The following CNBD1 variants were observed in gnomAD, a reference collection of about 807,000 sequenced individuals.
CNBD1 encodes cyclic nucleotide binding domain containing 1.
A neutral mutation model predicts 54.4 loss-of-function variants in CNBD1; 71 were observed. The observed-to-expected ratio is 1.30, with a 90% CI of 1.08 to 1.59. The LOEUF is 1.59. Among genes scored for constraint, CNBD1 ranks in the 40% most tolerant of loss-of-function variants. The probability of loss-of-function intolerance (pLI) is 0.00; values close to 1 mark genes in which losing one functional copy is unlikely to be tolerated. For synonymous variants in CNBD1, 182 were observed against 170.7 expected (o/e 1.07, Z -0.51); for missense variants, 659 against 518.0 (o/e 1.27, Z -2.64).
intron 4 of CNBD1, among the ~76,000 whole-genome samples, chr8:87,099,988 G>A (rs1361376904): frequency 6.6e-6 from 1 of 152,184 alleles, no homozygotes; most frequent in Non-Finnish European, 1.5e-5. Context: ...AAGTCTGGAG[G>A]AAGAGGAAGA....
intron 10 of CNBD1, among the ~76,000 whole-genome samples, chr8:87,378,937 A>C (rs560069340): frequency 1.3e-5 from 2 of 149,354 alleles, no homozygotes; most frequent in African/African-American, 5.0e-5. Flanking sequence ...GAGTTCACTC[A>C]TGATTTGGCT....
intron 4 of CNBD1, among the ~76,000 whole-genome samples, chr8:87,065,088 G>T (rs1407220220): frequency 6.6e-6 from 1 of 151,818 alleles, no homozygotes; most frequent in Non-Finnish European, 1.5e-5. Flanking sequence ...TCTTAATTTG[G>T]TGGTGTCTTT....
At chr8:87,084,344 T>G (rs762196168) in intron 4 of CNBD1, among the ~76,000 whole-genome samples, 1 of 152,210 alleles carries the variant, frequency 6.6e-6, no homozygotes, top group Non-Finnish European at 1.5e-5. Flanking sequence ...AAAAATTGAG[T>G]TAATATTTCT....
At chr8:87,425,369 C>G (rs949030056) in intron 2 of CNBD1, among the ~76,000 whole-genome samples, 1 of 152,192 alleles carries the variant, frequency 6.6e-6, no homozygotes, top group Non-Finnish European at 1.5e-5. Context: ...TGAGGAGCTG[C>G]GTTCCTTTGG....
At chr8:87,307,701 G>A (rs1809184067) in intron 8 of CNBD1, among the ~76,000 whole-genome samples, 1 of 149,550 alleles carries the variant, frequency 6.7e-6, no homozygotes, top group East Asian at 1.9e-4. Flanking sequence ...TTGTGCCATT[G>A]CATTCCAGCC....
intron 4 of CNBD1, among the ~76,000 whole-genome samples, chr8:87,018,654 A>G (rs1809417567): frequency 6.6e-6 from 1 of 152,176 alleles, no homozygotes; most frequent in Non-Finnish European, 1.5e-5. Context: ...AAAAAAACCA[A>G]GATCATGGTA....
chr8:86,936,279 A>T (rs1351124971), intron 3 of CNBD1, among the ~76,000 whole-genome samples: 1 of 152,164 alleles, frequency 6.6e-6, no homozygotes, highest in African/African-American at 2.4e-5. Flanking sequence ...AAAGGGAAAA[A>T]ATTTTTCTAT....
At chr8:87,104,199 T>A (rs1330277437) in intron 4 of CNBD1, among the ~76,000 whole-genome samples, 1 of 152,240 alleles carries the variant, frequency 6.6e-6, no homozygotes, top group Non-Finnish European at 1.5e-5. Context: ...AATGTTGTCA[T>A]GGACTGGAGG....
At chr8:87,065,635 A>G (rs1810632829) in intron 4 of CNBD1, among the ~76,000 whole-genome samples, 1 of 151,998 alleles carries the variant, frequency 6.6e-6, no homozygotes, top group African/African-American at 2.4e-5. Context: ...ATTTAAAAAC[A>G]TCAGAAACTG....
chr8:87,392,205 G>A (rs1586074990), intron 2 of CNBD1, among the ~76,000 whole-genome samples: 2 of 152,082 alleles, frequency 1.3e-5, no homozygotes, highest in East Asian at 3.9e-4. Context: ...ATAGCTTGTG[G>A]AAATGTGAAG....
intron 4 of CNBD1, among the ~76,000 whole-genome samples, chr8:87,091,815 G>A (rs2130680176): frequency 6.6e-6 from 1 of 151,756 alleles, no homozygotes; most frequent in African/African-American, 2.4e-5. Flanking sequence ...TTGCATTAAA[G>A]GTGGCATTTT....
chr8:87,369,059 A>G (rs1810704318), intron 10 of CNBD1, among the ~76,000 whole-genome samples: 1 of 152,014 alleles, frequency 6.6e-6, no homozygotes, highest in African/African-American at 2.4e-5. Context: ...TTAACTGATA[A>G]CTCAATAATT....
rs549685742 is a variant in CNBD1, at chr8:87,057,026, G to A, written c.431+117272G>A. ...AAGAGTGTGGCAAAGTTGATACAAT[G>A]TTACTTCTATTATTATATTTCATAA... On this transcript the variant is annotated intron_variant, in intron 4 of 10. Transcript: ENST00000518476. Among the ~76,000 whole-genome samples the A allele has an allele frequency of 3.9e-5, 6 of 152,162 alleles. 1 individual carries two copies. The South Asian group carries it at 1.2e-3, about 32-fold the overall frequency.
In CNBD1 at chr8:87,010,822, A is replaced by AT. The variant is rs200773645; in HGVS notation, c.431+71077dup. Reference sequence around the variant, plus strand: ...ACTTGTTTTCTTGAACACTGAAAACATTTTTTTTTAAATTGATATCTGAAA... The same window carrying AT: ...ACTTGTTTTCTTGAACACTGAAAACATTTTTTTTTTAAATTGATATCTGAAA... On this transcript the variant is annotated intron_variant, in intron 4 of 10. Coordinates refer to ENST00000518476, the MANE Select transcript of CNBD1 (RefSeq NM_173538.3). Among the ~76,000 whole-genome samples, 304 of 151,770 alleles carry AT rather than the reference A, an allele frequency of 2.0e-3. 2 individuals carry two copies. The highest frequency in any genetic ancestry group is 1.1e-3 in the African/African-American group (45 of 41,408).
At chr8:87,026,232 C>G (rs545085615) in intron 4 of CNBD1, among the ~76,000 whole-genome samples, 18 of 152,102 alleles carry the variant, frequency 1.2e-4, no homozygotes, top group Non-Finnish European at 4.4e-5. Context: ...TGATAGCTAC[C>G]TTATAATCAG....
rs1210044778 is a variant in CNBD1, at chr8:87,324,222, T to G, written c.1043-27463T>G. 3.9e-5 allele frequency among the ~76,000 whole-genome samples: 5 copies of G among 129,424 alleles called. 1 individual carries two copies. The highest frequency in any genetic ancestry group is 6.9e-5 in the Non-Finnish European group (4 of 58,046). The allele number at this position is 129,424 out of a possible 152,430, so 84.9% of individuals were successfully genotyped here. On this transcript the variant is annotated intron_variant, in intron 8 of 10. Transcript: ENST00000518476. ...CGGTTTGCCAGTATTTTATTGAGGATTTTTGCATCAATGTTCATCAAGGAT... is the reference window on the plus strand; with the variant it reads ...CGGTTTGCCAGTATTTTATTGAGGAGTTTTGCATCAATGTTCATCAAGGAT...
At chr8:87,406,845 C>G (rs1586083236) in intron 2 of CNBD1, among the ~76,000 whole-genome samples, 1 of 152,152 alleles carries the variant, frequency 6.6e-6, no homozygotes, top group East Asian at 1.9e-4. Context: ...TAGCCCACAG[C>G]CCCAGACTGA....
chr8:87,178,313 C>T (rs1212968497), intron 4 of CNBD1, among the ~76,000 whole-genome samples: 2 of 152,170 alleles, frequency 1.3e-5, no homozygotes, highest in Non-Finnish European at 2.9e-5. Context: ...TTTAGAAATA[C>T]TCTGAGAAAG....
In CNBD1 at chr8:86,941,804, G is replaced by C. The variant is rs534112089; in HGVS notation, c.431+2050G>C. Reference sequence around the variant, plus strand: ...TTACTTTACTTTGCTACATTCTTTTGTGGACCTCCATGGATGCTATTTAAT... The same window carrying C: ...TTACTTTACTTTGCTACATTCTTTTCTGGACCTCCATGGATGCTATTTAAT... On this transcript the variant is annotated intron_variant, in intron 4 of 10. Transcript: ENST00000518476. Among the ~76,000 whole-genome samples, 21 of 152,286 alleles carry C rather than the reference G, an allele frequency of 1.4e-4. No individual in the cohort carries two copies. The South Asian group carries it at 4.4e-3, about 32-fold the overall frequency.
Sources: allele counts gnomAD v4.1 joint callset (sites outside exome capture counted in the v4.1 genomes callset), GRCh38; gene constraint gnomAD v4.1.1; transcripts MANE v1.5; gene names NCBI Gene and HGNC (gene_info 2026-07-23, HGNC 2026-07-21).